The following SGCD variants were observed in gnomAD, a reference collection of about 807,000 sequenced individuals.
SGCD encodes delta-sarcoglycan.
In SGCD, 18 loss-of-function variants were observed where a neutral mutation model predicts 36.6. That is an observed-to-expected ratio of 0.49 (90% CI 0.34 to 0.73). SGCD has a LOEUF of 0.73. Ranked by LOEUF, SGCD falls within the 30% of genes least tolerant of loss-of-function variation. The probability of loss-of-function intolerance (pLI) is 0.01; values close to 1 mark genes in which losing one functional copy is unlikely to be tolerated. For synonymous variants in SGCD, 133 were observed against 130.6 expected, an observed-to-expected ratio of 1.02 and a Z score of -0.12; for missense variants, 387 against 346.7, an observed-to-expected ratio of 1.12 and a Z score of -0.92.
At position 156,643,622 on chromosome 5, in the gene SGCD, T is replaced by C. The variant is rs543088930; in HGVS notation, c.503-3842T>C. On this transcript the variant is annotated intron_variant, in intron 6 of 8. Transcript: ENST00000337851. ...CTAAAGGGAAAATTGTCAAAGGCCA[T>C]GCAATGCATCTGCAAAATTAGAACC... 3.9e-5 allele frequency among the ~76,000 whole-genome samples: 6 copies of C among 152,260 alleles called. No homozygotes were observed. In the South Asian group the frequency reaches 1.2e-3, roughly 32 times the overall value.
chr5:156,393,961 A>T (rs2127757185), intron 3 of SGCD: 1 of 386,026 alleles, frequency 2.6e-6, no homozygotes, highest in South Asian at 1.9e-5. Flanking sequence ...GAAAAAGGCC[A>T]CATTCTAAGC....
Position 156,592,748 on chromosome 5 carries a change from C to T in SGCD, c.383-2184C>T, listed in dbSNP as rs145300054. 3.3e-5 allele frequency among the ~76,000 whole-genome samples: 5 copies of T among 152,258 alleles called. No homozygotes were observed. In the East Asian group the frequency reaches 9.6e-4, roughly 29 times the overall value. ...TCAAAGTGGTCAGATAAGATGACTTCCGGGTTCCATCATGCTTGGAAGTGC... is the reference window on the plus strand; with the variant it reads ...TCAAAGTGGTCAGATAAGATGACTTTCGGGTTCCATCATGCTTGGAAGTGC... On this transcript the variant is annotated intron_variant, in intron 5 of 8. Transcript: ENST00000337851.
intron 6 of SGCD, among the ~76,000 whole-genome samples, chr5:156,641,413 A>C (rs1036656195): frequency 2.0e-5 from 3 of 152,246 alleles, no homozygotes; most frequent in African/African-American, 7.2e-5. Flanking sequence ...CTTTGGAGTA[A>C]CCAGAAAATT....
chr5:156,470,212 T>C (rs1754893552), intron 3 of SGCD, among the ~76,000 whole-genome samples: 1 of 152,202 alleles, frequency 6.6e-6, no homozygotes, highest in Admixed American at 6.5e-5. Context: ...AAAATACTTG[T>C]ATATTCACCG....
rs556613769 is a variant in SGCD at position 156,386,707 on chromosome 5, C to T, written c.192+42030C>T. Among the ~76,000 whole-genome samples, 387 of 152,358 alleles carry T rather than the reference C, an allele frequency of 2.5e-3. 1 individual carries two copies. Among genetic ancestry groups the T allele is most frequent in the African/African-American group, 9.1e-3 (378 of 41,592 alleles). On this transcript the variant is annotated intron_variant, in intron 3 of 8. Coordinates refer to ENST00000337851, the MANE Select transcript of SGCD (RefSeq NM_000337.6). ...TTTCCTGATGGTGATCCCCTTGGGG[C>T]TCCCTCACTCTTTAGAGCTTCGGAG...
In SGCD at chr5:156,689,147, T is replaced by G. The variant is rs368970456; in HGVS notation, c.575+41611T>G. 3.6e-4 allele frequency among the ~76,000 whole-genome samples: 55 copies of G among 152,312 alleles called. 1 individual carries two copies. Among genetic ancestry groups the G allele is most frequent in the African/African-American group, 1.2e-3 (48 of 41,554 alleles). ...ATTGTACCAGTGTTAATTTCTTAGT[T>G]TTGACAAACGTACCTTGGTTATATA... On this transcript the variant is annotated intron_variant, in intron 7 of 8. Transcript: ENST00000337851.
intron 7 of SGCD, among the ~76,000 whole-genome samples, chr5:156,718,382 G>A (rs185223010): frequency 6.6e-6 from 1 of 152,208 alleles, no homozygotes; most frequent in East Asian, 1.9e-4. Flanking sequence ...GTAACTTGTT[G>A]GTTCAAAGTA....
chr5:156,733,272 A>T (rs1288956633), intron 7 of SGCD, among the ~76,000 whole-genome samples: 1 of 152,108 alleles, frequency 6.6e-6, no homozygotes, highest in African/African-American at 2.4e-5. Context: ...ATTTCAAAGA[A>T]CTTATTGATT....
chr5:156,741,578 A>AT (rs1358023813), intron 7 of SGCD, among the ~76,000 whole-genome samples: 2 of 151,010 alleles, frequency 1.3e-5, no homozygotes, highest in African/African-American at 2.5e-5. Context: ...GAGATGACCA[A>AT]TTTTCTCCTT....
intron 1 of SGCD, among the ~76,000 whole-genome samples, chr5:156,093,647 G>T (rs1761303526): frequency 6.6e-6 from 1 of 152,134 alleles, no homozygotes; most frequent in Non-Finnish European, 1.5e-5. Flanking sequence ...CCCAATTTGG[G>T]TTTGTGCGTG....
rs528799875 is a variant in SGCD at position 156,284,621 on chromosome 5, A to C, written c.-43-44913A>C. 1.5e-4 allele frequency among the ~76,000 whole-genome samples: 23 copies of C among 152,314 alleles called. No individual in the cohort carries two copies. In the South Asian group the frequency reaches 1.9e-3, roughly 12 times the overall value. ...GAAAAGGCCTTTGACAAAATTCAAC[A>C]GCCCTTCATGCTAAAAACTCTCAAT... On this transcript the variant is annotated intron_variant, in intron 3 of 9. Transcript: ENST00000517913.
intron 3 of SGCD, among the ~76,000 whole-genome samples, chr5:156,289,148 A>G (rs937048627): frequency 6.6e-6 from 1 of 152,146 alleles, no homozygotes; most frequent in Non-Finnish European, 1.5e-5. Context: ...TTTAAAAAAC[A>G]CTGTGTGTAT....
chr5:156,273,260 C>T (rs76887603), intron 3 of SGCD, among the ~76,000 whole-genome samples: 8,501 of 152,118 alleles, frequency 0.056, 731 homozygotes, highest in African/African-American at 0.18. Context: ...GAAGCAAATA[C>T]GAAATAATTG....
chr5:156,203,614 G>T (rs576301068), intron 3 of SGCD, among the ~76,000 whole-genome samples: 3 of 152,202 alleles, frequency 2.0e-5, no homozygotes, highest in Non-Finnish European at 2.9e-5. Context: ...AATAAAGATG[G>T]ATCATCATCT....
chr5:156,213,182 A>G (rs932198528), intron 3 of SGCD, among the ~76,000 whole-genome samples: 12 of 152,026 alleles, frequency 7.9e-5, no homozygotes, highest in Non-Finnish European at 1.8e-4. Flanking sequence ...CGAGACTAGA[A>G]AAACAATAGC....
intron 1 of SGCD, among the ~76,000 whole-genome samples, chr5:156,043,765 C>A (rs893224139): frequency 1.1e-4 from 16 of 152,250 alleles, no homozygotes; most frequent in Non-Finnish European, 2.2e-4. Flanking sequence ...ATATCCAACA[C>A]TCTTTAAAAA....
At position 156,485,018 on chromosome 5, in the gene SGCD, T is replaced by C. The variant is rs1755593822; in HGVS notation, c.193-23583T>C. ...TGCCATATAACCTTTGGAAACAAAC[T>C]TTTTTTTTTTTCATAACGATTTTTA... On this transcript the variant is annotated intron_variant, in intron 3 of 8. Coordinates refer to ENST00000337851, the MANE Select transcript of SGCD (RefSeq NM_000337.6). Among the ~76,000 whole-genome samples, 3 of 144,706 alleles carry C rather than the reference T, an allele frequency of 2.1e-5. No individual in the cohort carries two copies. The South Asian group carries it at 6.5e-4, about 31-fold the overall frequency. The allele number at this position is 144,706 out of a possible 152,430, so 94.9% of individuals were successfully genotyped here.
chr5:156,512,220 ATTG>A (rs1756968989), intron 4 of SGCD, among the ~76,000 whole-genome samples: 2 of 151,384 alleles, frequency 1.3e-5, no homozygotes, highest in Admixed American at 6.6e-5. Flanking sequence ...AAAAGGAACA[ATTG>A]ACTGTTTTAT....
At chr5:156,070,247 G>C (rs1760501740) in intron 1 of SGCD, among the ~76,000 whole-genome samples, 5 of 151,912 alleles carry the variant, frequency 3.3e-5, no homozygotes, top group Admixed American at 2.0e-4. Flanking sequence ...TGCCCATTCA[G>C]TATGATATTG....
Sources: gnomAD v4.1 joint callset for allele counts (sites outside exome capture counted in the v4.1 genomes callset) on GRCh38, gnomAD v4.1.1 for gene constraint, MANE v1.5 for transcripts, NCBI Gene and HGNC (gene_info 2026-07-23, HGNC 2026-07-21) for gene names.